FUT2: variants seen among roughly 807,000 people sequenced by gnomAD.
FUT2 encodes galactoside alpha-(1,2)-fucosyltransferase 2.
For synonymous variants in FUT2, 182 were observed against 193.1 expected (o/e 0.94, Z 0.48); for missense variants, 419 against 465.8 (o/e 0.90, Z 0.93).
rs79130887 is a variant in FUT2, at chr19:48,699,000, C to CCCTT, written c.-3+2930_-3+2933dup. On this transcript the variant is annotated intron_variant, in intron 1 of 1. Coordinates refer to ENST00000425340, the MANE Select transcript of FUT2 (RefSeq NM_000511.6). ...CTGTCCCTTCCCTCCCTCCCTCCCTCCCTTCCTTCCTTCCTTCCTTCCATA... is the reference window on the plus strand; with the variant it reads ...CTGTCCCTTCCCTCCCTCCCTCCCTCCCTTCCTTCCTTCCTTCCTTCCTTCCATA... 5.8e-3 allele frequency among the ~76,000 whole-genome samples: 856 copies of CCCTT among 146,540 alleles called. 6 individuals are homozygous for CCCTT. Among genetic ancestry groups the CCCTT allele is most frequent in the Non-Finnish European group, 9.6e-3 (640 of 66,416 alleles).
rs1167251910 is a variant in FUT2, at chr19:48,703,288, T to C, written c.332T>C (p.Leu111Pro). 13 of 1,612,992 alleles carry C rather than the reference T, an allele frequency of 8.1e-6. No homozygotes were observed. The highest frequency in any genetic ancestry group is 1.0e-5 in the Non-Finnish European group (12 of 1,180,012). The change falls in exon 2 of 2, where the codon CTG (leucine) becomes CCG (proline). Residue 111 changes from leucine (L) to proline (P), a missense_variant. Leu to Pro is a moderately conservative substitution (Grantham distance 98). Coordinates refer to ENST00000425340, the MANE Select transcript of FUT2 (RefSeq NM_000511.6). ...STLAPIFRITLPVLHSATASR... is the reference protein window; with the variant it reads ...STLAPIFRITPPVLHSATASR... ...CTGGCCCCCATCTTCAGAATCACCC[T>C]GCCGGTGCTGCACAGCGCCACGGCC...
Position 48,703,682 on chromosome 19 carries a change from CAGT to C in FUT2, c.728_730del (p.Ser243del). On this transcript the variant is annotated inframe_deletion, in exon 2 of 2. Transcript: ENST00000425340. Reference sequence around the variant, plus strand: ...ACAGCTCCCTCATCTTCGTGGTCACCAGTAATGGCATGGCCTGGTGTCGGGAGA... The same window carrying C: ...ACAGCTCCCTCATCTTCGTGGTCACCAATGGCATGGCCTGGTGTCGGGAGA... The C allele has an allele frequency of 6.2e-7, 1 of 1,613,666 alleles. No individual in the cohort carries two copies. The highest frequency in any genetic ancestry group is 8.5e-7 in the Non-Finnish European group (1 of 1,180,042).
intron 1 of FUT2, among the ~76,000 whole-genome samples, chr19:48,700,412 C>A (rs1056928039): frequency 1.8e-4 from 27 of 151,636 alleles, no homozygotes; most frequent in Non-Finnish European, 3.4e-4. Flanking sequence ...CCGCAAGTTG[C>A]GCCTCCCAGG....
Position 48,705,100 on chromosome 19 carries a change from C to CTTTTTATTTTTTTTTT in FUT2, c.*1117_*1118insATTTTTTTTTTTTTTT. ...CCCAGAGAGCTCACTGTTTTCTTTT[C>CTTTTTATTTTTTTTTT]TTTTTCTTTTCTTTTTTTTTTTTTT... On this transcript the variant is annotated 3_prime_UTR_variant, in exon 2 of 2. Coordinates refer to ENST00000425340, the MANE Select transcript of FUT2 (RefSeq NM_000511.6). 5.7e-6 allele frequency: 1 copy of CTTTTTATTTTTTTTTT among 174,946 alleles called. No homozygotes were observed. The highest frequency in any genetic ancestry group is 1.2e-5 in the Non-Finnish European group (1 of 83,840). The allele number at this position is 174,946 out of a possible 1,614,324, so 10.8% of individuals were successfully genotyped here.
In FUT2 at chr19:48,705,887, T is replaced by C. The variant is rs780399149; in HGVS notation, c.*1899T>C. The C allele has an allele frequency of 6.0e-6, 1 of 166,584 alleles. No homozygotes were observed. The highest frequency in any genetic ancestry group is 6.6e-5 in the Admixed American group (1 of 15,210). 10.3% of individuals were successfully genotyped at this position (166,584 alleles called of 1,614,324 possible). A position where few individuals can be genotyped will look rare whatever the true frequency, so the allele number is the denominator to read the frequency against. ...CCACTGCACTGCGGCCTGGACGACG[T>C]AGTGATACCCTGACTCTTATAAATA... On this transcript the variant is annotated 3_prime_UTR_variant, in exon 2 of 2. Transcript: ENST00000425340.
In FUT2 at chr19:48,704,331, A is replaced by T. The variant is rs2032593396; in HGVS notation, c.*343A>T. On this transcript the variant is annotated 3_prime_UTR_variant, in exon 2 of 2. Coordinates refer to ENST00000425340, the MANE Select transcript of FUT2 (RefSeq NM_000511.6). ...CAGCTACTCGGGAGGCTGAGGCAAGAGAATCACTTGAACCCAGGAGGCGGA... is the reference window on the plus strand; with the variant it reads ...CAGCTACTCGGGAGGCTGAGGCAAGTGAATCACTTGAACCCAGGAGGCGGA... 2.6e-6 allele frequency: 1 copy of T among 389,456 alleles called. No individual in the cohort carries two copies. Among genetic ancestry groups the T allele is most frequent in the Non-Finnish European group, 4.9e-6 (1 of 206,102 alleles). The allele number at this position is 389,456 out of a possible 1,614,324, so 24.1% of individuals were successfully genotyped here.
In FUT2 at chr19:48,704,421, CAAAAAA is replaced by C. The variant is rs140411756; in HGVS notation, c.*448_*453del. On this transcript the variant is annotated 3_prime_UTR_variant, in exon 2 of 2. Coordinates refer to ENST00000425340, the MANE Select transcript of FUT2 (RefSeq NM_000511.6). ...TGGGTGACACAGCAAGACTCCATCT[CAAAAAA>C]AAAAAAAAAAAAAAGAAAAGAAAAA... The C allele has an allele frequency of 3.7e-4, 40 of 109,294 alleles. No individual in the cohort carries two copies. Among genetic ancestry groups the C allele is most frequent in the Non-Finnish European group, 6.2e-4 (32 of 51,998 alleles). 6.8% of individuals were successfully genotyped at this position (109,294 alleles called of 1,614,324 possible).
Position 48,705,743 on chromosome 19 carries a change from C to T in FUT2, c.*1755C>T, listed in dbSNP as rs1043722819. The stretch of plus-strand genomic sequence containing the variant: ...TCAAAGGAATAATTTTTTTTAATCA[C>T]CAGTGTGCATACAGTCATGGAGTTG... On this transcript the variant is annotated 3_prime_UTR_variant, in exon 2 of 2. Transcript: ENST00000425340. 1 of 166,810 alleles carries T rather than the reference C, an allele frequency of 6.0e-6. No individual in the cohort carries two copies. Among genetic ancestry groups the T allele is most frequent in the Non-Finnish European group, 1.5e-5 (1 of 68,086 alleles). 10.3% of individuals were successfully genotyped at this position (166,810 alleles called of 1,614,324 possible).
intron 1 of FUT2, among the ~76,000 whole-genome samples, chr19:48,698,926 T>C (rs1313352382): frequency 2.0e-5 from 3 of 151,952 alleles, no homozygotes; most frequent in East Asian, 1.9e-4. Flanking sequence ...TCTCTGTGTC[T>C]TCTGGTCTTT....
rs2032591869 is a variant in FUT2, at chr19:48,704,255, C to T, written c.*267C>T. On this transcript the variant is annotated 3_prime_UTR_variant, in exon 2 of 2. Transcript: ENST00000425340. ...TGGCCAACATGGTGAAACCCCATCT[C>T]GACTAAAAATACAAAAATTAGCCAG... is the stretch of plus-strand genomic sequence containing the variant. 1 of 485,178 alleles carries T rather than the reference C, an allele frequency of 2.1e-6. No individual in the cohort carries two copies. The highest frequency in any genetic ancestry group is 2.1e-5 in the South Asian group (1 of 47,572). The allele number at this position is 485,178 out of a possible 1,614,324, so 30.1% of individuals were successfully genotyped here.
chr19:48,699,280 C>T (rs989350912), intron 1 of FUT2, among the ~76,000 whole-genome samples: 9 of 152,002 alleles, frequency 5.9e-5, no homozygotes, highest in African/African-American at 2.2e-4. Context: ...TGACTGCAAT[C>T]TCTGCCTTCC....
In FUT2 at chr19:48,703,036, A is replaced by T. The variant is rs1185332526; in HGVS notation, c.80A>T (p.His27Leu). The change falls in exon 2 of 2, where the codon CAC (histidine) becomes CTC (leucine). Residue 27 changes from histidine to leucine, a missense_variant. By Grantham distance (99) the His-to-Leu change is moderately conservative (BLOSUM62 -3). Transcript: ENST00000425340. Reference sequence around the variant, plus strand: ...GTCTTTACGGTTTCCACTATATTTCACGTTCAGCAGCGGCTAGCGAAGATT... The same window carrying T: ...GTCTTTACGGTTTCCACTATATTTCTCGTTCAGCAGCGGCTAGCGAAGATT... ...LFVFTVSTIF[H>L]VQQRLAKIQA... 18 of 1,612,646 alleles carry T rather than the reference A, an allele frequency of 1.1e-5. No homozygotes were observed. The highest frequency in any genetic ancestry group is 1.4e-5 in the Non-Finnish European group (17 of 1,179,960).
intron 1 of FUT2, among the ~76,000 whole-genome samples, chr19:48,700,661 G>A (rs757491840): frequency 1.4e-4 from 22 of 151,922 alleles, no homozygotes; most frequent in African/African-American, 2.9e-4. Flanking sequence ...ATCATCTCAC[G>A]GTCCCAAAAG....
chr19:48,697,706 C>A (rs1024222977), intron 1 of FUT2, among the ~76,000 whole-genome samples: 2 of 151,854 alleles, frequency 1.3e-5, no homozygotes, highest in African/African-American at 2.4e-5. Flanking sequence ...GTTGTTGTAT[C>A]TTTTTGAGAT....
intron 1 of FUT2, among the ~76,000 whole-genome samples, chr19:48,698,245 C>T (rs1335437677): frequency 6.6e-6 from 1 of 151,854 alleles, no homozygotes; most frequent in Non-Finnish European, 1.5e-5. Context: ...CAAAAATTCA[C>T]AATCTCATAG....
chr19:48,703,037 C>T lies in FUT2; in HGVS notation c.81C>T (p.His27=), dbSNP rs373987847. 23 of 1,612,940 alleles carry T rather than the reference C, an allele frequency of 1.4e-5. No individual in the cohort carries two copies. Among genetic ancestry groups the T allele is most frequent in the African/African-American group, 4.0e-5 (3 of 74,906 alleles). The change falls in exon 2 of 2, where the codon CAC becomes CAT. Residue 27 remains histidine, a synonymous_variant. Transcript: ENST00000425340. ...LFVFTVSTIF[H]VQQRLAKIQA... ...TCTTTACGGTTTCCACTATATTTCA[C>T]GTTCAGCAGCGGCTAGCGAAGATTC...
intron 1 of FUT2, among the ~76,000 whole-genome samples, chr19:48,700,337 T>TA (rs2032490522): frequency 6.7e-6 from 1 of 150,080 alleles, no homozygotes; most frequent in Non-Finnish European, 1.5e-5. Context: ...TATTTTATTT[T>TA]TTTTTTTGAG....
intron 1 of FUT2, among the ~76,000 whole-genome samples, chr19:48,700,170 A>G (rs553654561): frequency 1.0e-4 from 15 of 150,574 alleles, no homozygotes; most frequent in Middle Eastern, 3.4e-3. Context: ...AAAAAAAAAA[A>G]AAAAGAAAAG....
chr19:48,702,948 C>T lies in FUT2; in HGVS notation c.-2-7C>T. The T allele has an allele frequency of 6.2e-7, 1 of 1,613,050 alleles. No homozygotes were observed. Among genetic ancestry groups the T allele is most frequent in the South Asian group, 1.1e-5 (1 of 90,568 alleles). ...AGCTAACGTGTCCCGTTTTCCTCCC[C>T]TGACAGCCATGCTGGTCGTTCAGAT... On this transcript the variant is annotated splice_region_variant and splice_polypyrimidine_tract_variant and intron_variant, in intron 1 of 1. Coordinates refer to ENST00000425340, the MANE Select transcript of FUT2 (RefSeq NM_000511.6).
Sources: allele counts gnomAD v4.1 joint callset (sites outside exome capture counted in the v4.1 genomes callset), GRCh38; gene constraint gnomAD v4.1.1; transcripts MANE v1.5; gene names NCBI Gene and HGNC (gene_info 2026-07-23, HGNC 2026-07-21).